STARD13: variants seen among roughly 807,000 people sequenced by gnomAD.
STARD13 encodes the protein StAR related lipid transfer domain containing 13, also known as stAR-related lipid transfer protein 13.
Under a neutral mutation model 106.4 loss-of-function variants are expected in STARD13, and 62 were observed. The observed-to-expected ratio is 0.58, with a 90% CI of 0.48 to 0.72. The LOEUF (loss-of-function observed/expected upper bound fraction) is 0.72, where lower values mean the gene tolerates loss of function less well. STARD13 is among the 30% of genes least tolerant of loss of function. The pLI is 0.00. For synonymous variants in STARD13, 565 were observed against 553.0 expected (o/e 1.02, Z -0.31); for missense variants, 1,387 against 1,424.0 (o/e 0.97, Z 0.42).
In STARD13 at chr13:33,167,637, A is replaced by G. The variant is rs1883481202; in HGVS notation, c.170-15T>C. 5.6e-6 allele frequency: 9 copies of G among 1,613,696 alleles called. No homozygotes were observed. The highest frequency in any genetic ancestry group is 7.6e-6 in the Non-Finnish European group (9 of 1,179,666). ...TGCCTCAATTTCTGAAAAACACAAG[A>G]GAGATAAAATTGTGAGTCCCACAGC... is the stretch of plus-strand genomic sequence containing the variant. On this transcript the variant is annotated splice_polypyrimidine_tract_variant and intron_variant, in intron 1 of 13. Transcript: ENST00000336934.
the STARD13 span, among the ~76,000 whole-genome samples, chr13:33,575,167 C>T: frequency 6.6e-6 from 1 of 152,100 alleles, no homozygotes; most frequent in South Asian, 2.1e-4. Context: ...CTGCCTGCCT[C>T]AGCCTCCCAA....
intron 1 of STARD13, among the ~76,000 whole-genome samples, chr13:33,311,641 A>G (rs1175821848): frequency 6.6e-6 from 1 of 152,230 alleles, no homozygotes; most frequent in African/African-American, 2.4e-5. Flanking sequence ...TTATTTACGT[A>G]TTTCATCACT....
At chr13:33,227,287 C>T (rs1237507622) in intron 1 of STARD13, among the ~76,000 whole-genome samples, 1 of 152,218 alleles carries the variant, frequency 6.6e-6, no homozygotes, top group Non-Finnish European at 1.5e-5. Context: ...TCATCAGAAT[C>T]TCAATGTCCT....
chr13:33,551,615 T>TTTTTTTTTTTTC, the STARD13 span, among the ~76,000 whole-genome samples: 1 of 115,926 alleles, frequency 8.6e-6, no homozygotes, highest in Non-Finnish European at 1.7e-5. Flanking sequence ...TTTTTTTTTT[T>TTTTTTTTTTTTC]TGAGTTGGAG....
chr13:33,513,316 A>G, the STARD13 span, among the ~76,000 whole-genome samples: 6 of 152,310 alleles, frequency 3.9e-5, no homozygotes, highest in South Asian at 1.2e-3. Context: ...TTGGGATAAG[A>G]GTAGAAGAAA....
chr13:33,220,280 A>G (rs1888282865), intron 1 of STARD13, among the ~76,000 whole-genome samples: 1 of 152,254 alleles, frequency 6.6e-6, no homozygotes, highest in Admixed American at 6.5e-5. Flanking sequence ...AAACACATTG[A>G]TCTGAAATTC....
the STARD13 span, among the ~76,000 whole-genome samples, chr13:33,440,809 T>C: frequency 1.5e-5 from 2 of 129,480 alleles, no homozygotes; most frequent in Non-Finnish European, 1.6e-5. Flanking sequence ...AGAGTCTCAC[T>C]CTGTCACCCA....
At chr13:33,607,287 C>T in the STARD13 span, among the ~76,000 whole-genome samples, 4 of 150,668 alleles carry the variant, frequency 2.7e-5, no homozygotes, top group Non-Finnish European at 4.4e-5. Flanking sequence ...AGTTTGTCAG[C>T]TATCATTGTT....
intron 1 of STARD13, among the ~76,000 whole-genome samples, chr13:33,222,146 T>C (rs1397390402): frequency 6.7e-6 from 1 of 150,202 alleles, no homozygotes; most frequent in Admixed American, 6.6e-5. Flanking sequence ...AGACTCCATC[T>C]CAAAAAAAAA....
intron 1 of STARD13, among the ~76,000 whole-genome samples, chr13:33,295,507 C>A (rs1253400948): frequency 6.6e-6 from 1 of 152,224 alleles, no homozygotes; most frequent in East Asian, 1.9e-4. Flanking sequence ...CTCACCTTAC[C>A]ATTTCCTTTA....
intron 3 of STARD13, chr13:33,164,441 T>A (rs1883093430): frequency 6.6e-6 from 1 of 152,210 alleles, no homozygotes; most frequent in Non-Finnish European, 1.5e-5. Flanking sequence ...ACATTGGATT[T>A]AGCATTAGGA....
At chr13:33,257,681 C>G (rs1168323191) in intron 1 of STARD13, among the ~76,000 whole-genome samples, 3 of 152,132 alleles carry the variant, frequency 2.0e-5, no homozygotes, top group Admixed American at 2.0e-4. Flanking sequence ...TTTACCCTTA[C>G]TTTTTAAGAA....
chr13:33,668,135 T>C, the STARD13 span, among the ~76,000 whole-genome samples: 20 of 152,366 alleles, frequency 1.3e-4, no homozygotes, highest in African/African-American at 4.3e-4. Flanking sequence ...GGCTGCCCAA[T>C]TCGGGGATCA....
At chr13:33,135,138 A>G (rs1201687199) in intron 4 of STARD13, among the ~76,000 whole-genome samples, 1 of 152,194 alleles carries the variant, frequency 6.6e-6, no homozygotes, top group Non-Finnish European at 1.5e-5. Context: ...AAGAACCACA[A>G]CCTCCTGGGG....
At chr13:33,259,950 C>G (rs1376643092) in intron 1 of STARD13, among the ~76,000 whole-genome samples, 3 of 141,220 alleles carry the variant, frequency 2.1e-5, no homozygotes, top group Non-Finnish European at 4.5e-5. Context: ...GAGCCGAGAT[C>G]GTGCCACTGC....
the STARD13 span, among the ~76,000 whole-genome samples, chr13:33,397,677 T>C: frequency 6.6e-6 from 1 of 152,148 alleles, no homozygotes; most frequent in Non-Finnish European, 1.5e-5. Context: ...ATAATGGGTT[T>C]TGAGAGAAAT....
chr13:33,381,505 C>G, the STARD13 span, among the ~76,000 whole-genome samples: 1 of 152,074 alleles, frequency 6.6e-6, no homozygotes, highest in Non-Finnish European at 1.5e-5. Context: ...TTTGGGAGGC[C>G]GAGGTGGGCT....
the STARD13 span, among the ~76,000 whole-genome samples, chr13:33,647,850 T>A: frequency 6.6e-6 from 1 of 152,178 alleles, no homozygotes; most frequent in Non-Finnish European, 1.5e-5. Context: ...TTTACATTGT[T>A]GTGTATAAAT....
At chr13:33,425,586 T>A in the STARD13 span, among the ~76,000 whole-genome samples, 1 of 152,188 alleles carries the variant, frequency 6.6e-6, no homozygotes, top group Non-Finnish European at 1.5e-5. Flanking sequence ...ATTCTGACAA[T>A]CCTGAAAACC....
Sources: gnomAD v4.1 joint callset for allele counts (sites outside exome capture counted in the v4.1 genomes callset) on GRCh38, gnomAD v4.1.1 for gene constraint, MANE v1.5 for transcripts, NCBI Gene and HGNC (gene_info 2026-07-23, HGNC 2026-07-21) for gene names.